Variants in SP3 observed in about 807,000 individuals in gnomAD.
The protein encoded by SP3 is transcription factor Sp3.
In SP3, 10 loss-of-function variants were observed where a neutral mutation model predicts 70.3. That is an observed-to-expected ratio of 0.14 (90% CI 0.09 to 0.24). The LOEUF (loss-of-function observed/expected upper bound fraction) is 0.24, where lower values mean the gene tolerates loss of function less well. SP3 is among the 10% of genes least tolerant of loss of function. The probability of loss-of-function intolerance (pLI) is 1.00; values close to 1 mark genes in which losing one functional copy is unlikely to be tolerated. For synonymous variants in SP3, 402 were observed against 333.5 expected (o/e 1.21, Z -2.24); for missense variants, 825 against 914.6 (o/e 0.90, Z 1.26).
rs1477282465 is a variant in SP3 at position 173,963,798 on chromosome 2, GCCT to G, written c.239_241del (p.Glu80del). ...GGCGGGGGCCCCGGCTGCGGCGGCC[GCCT>G]CCTCCTCGTCGTCGCCCGGCGATGG... On this transcript the variant is annotated inframe_deletion, in exon 3 of 7. Transcript: ENST00000310015. 3 of 1,426,604 alleles carry G rather than the reference GCCT, an allele frequency of 2.1e-6. No homozygotes were observed. The highest frequency in any genetic ancestry group is 3.1e-5 in the East Asian group (1 of 32,272). The allele number at this position is 1,426,604 out of a possible 1,614,324, so 88.4% of individuals were successfully genotyped here. A position where few individuals can be genotyped will look rare whatever the true frequency, so the allele number is the denominator to read the frequency against.
chr2:173,942,460 G>C (rs1690400780), intron 4 of SP3, among the ~76,000 whole-genome samples: 3 of 152,156 alleles, frequency 2.0e-5, no homozygotes, highest in Admixed American at 1.3e-4. Flanking sequence ...CAGCTACTTG[G>C]GAGGCTGAGG....
At chr2:173,920,842 C>A (rs1689734751) in intron 4 of SP3, among the ~76,000 whole-genome samples, 1 of 152,090 alleles carries the variant, frequency 6.6e-6, no homozygotes, top group East Asian at 1.9e-4. Flanking sequence ...CCACCCACCT[C>A]AGCCTCCCAA....
rs1689225325 is a variant in SP3 at position 173,903,449 on chromosome 2, G to C, written c.*6492C>G. ...GCACTTAATCACTATATTATGCTAT[G>C]AAAGGTTTCAACTTTACTAAATGAA... On this transcript the variant is annotated 3_prime_UTR_variant, in exon 7 of 7. Coordinates refer to ENST00000310015, the MANE Select transcript of SP3 (RefSeq NM_003111.5). 6.6e-6 allele frequency among the ~76,000 whole-genome samples: 1 copy of C among 152,138 alleles called. No individual in the cohort carries two copies. The highest frequency in any genetic ancestry group is 2.4e-5 in the African/African-American group (1 of 41,416).
chr2:173,954,731 C>T, intron 4 of SP3, 142 bp downstream of exon 4: 1 of 783,578 alleles, frequency 1.3e-6, no homozygotes, highest in Non-Finnish European at 2.0e-6. Context: ...TTGATGTCTA[C>T]TTTCATACAA....
At chr2:173,958,738 T>C (rs1188901675) in intron 3 of SP3, among the ~76,000 whole-genome samples, 1 of 151,504 alleles carries the variant, frequency 6.6e-6, no homozygotes, top group Non-Finnish European at 1.5e-5. Flanking sequence ...AACTACTAGA[T>C]GATTTATGCC....
chr2:173,933,647 T>C lies in SP3; in HGVS notation c.1640-14862A>G, dbSNP rs1021041652. 2.9e-3 allele frequency among the ~76,000 whole-genome samples: 380 copies of C among 133,302 alleles called. 4 individuals are homozygous for C. Among genetic ancestry groups the C allele is most frequent in the African/African-American group, 8.1e-3 (261 of 32,396 alleles). The allele number at this position is 133,302 out of a possible 152,430, so 87.5% of individuals were successfully genotyped here. A position where few individuals can be genotyped will look rare whatever the true frequency, so the allele number is the denominator to read the frequency against. On this transcript the variant is annotated intron_variant, in intron 4 of 6. Transcript: ENST00000310015. Reference sequence around the variant, plus strand: ...TAACATTTATAAAACTTTATATATATATATATATATATATATATATATATA... The same window carrying C: ...TAACATTTATAAAACTTTATATATACATATATATATATATATATATATATA...
Position 173,903,151 on chromosome 2 carries a change from C to T in SP3, c.*6790G>A, listed in dbSNP as rs566554997. On this transcript the variant is annotated 3_prime_UTR_variant, in exon 7 of 7. Transcript: ENST00000310015. ...TTAATACAACAATAGTTGAAGACAACTATTTTCAAGTGTAGGAAGACTACT... is the reference window on the plus strand; with the variant it reads ...TTAATACAACAATAGTTGAAGACAATTATTTTCAAGTGTAGGAAGACTACT... Among the ~76,000 whole-genome samples the T allele has an allele frequency of 2.6e-5, 4 of 152,328 alleles. No individual in the cohort carries two copies. Among genetic ancestry groups the T allele is most frequent in the Admixed American group, 6.5e-5 (1 of 15,302 alleles).
Position 173,965,266 on chromosome 2 carries a change from G to A in SP3, c.-95C>T. The A allele has an allele frequency of 2.3e-5, 32 of 1,406,214 alleles. 1 individual carries two copies. The South Asian group carries it at 3.9e-4, about 17-fold the overall frequency. The allele number at this position is 1,406,214 out of a possible 1,614,324, so 87.1% of individuals were successfully genotyped here. A position where few individuals can be genotyped will look rare whatever the true frequency, so the allele number is the denominator to read the frequency against. On this transcript the variant is annotated 5_prime_UTR_variant, in exon 1 of 7. Coordinates refer to ENST00000310015, the MANE Select transcript of SP3 (RefSeq NM_003111.5). ...GGCGGGAGAGGATGCGGGAAGCGGCGGCGGACACGGCCGGAGCGGTCCGGG... is the reference window on the plus strand; with the variant it reads ...GGCGGGAGAGGATGCGGGAAGCGGCAGCGGACACGGCCGGAGCGGTCCGGG...
intron 3 of SP3, 70 bp downstream of exon 3, chr2:173,963,691 G>A (rs896141761): frequency 1.4e-5 from 8 of 570,868 alleles, no homozygotes; most frequent in African/African-American, 2.0e-5. Flanking sequence ...GGCCTTTTGG[G>A]CAGGCGCGCC....
intron 3 of SP3, among the ~76,000 whole-genome samples, chr2:173,961,402 T>G (rs1468644186): frequency 2.6e-5 from 4 of 152,244 alleles, no homozygotes; most frequent in African/African-American, 9.6e-5. Context: ...AGTTCATCTG[T>G]ATGTGTATAT....
At chr2:173,925,862 G>C (rs777108577) in intron 4 of SP3, among the ~76,000 whole-genome samples, 2 of 152,022 alleles carry the variant, frequency 1.3e-5, no homozygotes, top group Non-Finnish European at 2.9e-5. Context: ...TGTTCTACCA[G>C]GTTAAAATAG....
rs1689214427 is a variant in SP3 at position 173,902,820 on chromosome 2, A to G, written c.*7121T>C. ...CACTCATGGTATCATTCTGATAAAC[A>G]TCAAATTCAGAGCTGCAATTACTTA... On this transcript the variant is annotated 3_prime_UTR_variant, in exon 7 of 7. Transcript: ENST00000310015. 6.6e-6 allele frequency among the ~76,000 whole-genome samples: 1 copy of G among 152,230 alleles called. No homozygotes were observed. Among genetic ancestry groups the G allele is most frequent in the African/African-American group, 2.4e-5 (1 of 41,460 alleles).
chr2:173,946,257 T>C (rs1169385039), intron 4 of SP3, among the ~76,000 whole-genome samples: 1 of 152,194 alleles, frequency 6.6e-6, no homozygotes, highest in Non-Finnish European at 1.5e-5. Context: ...AGGTTCATTA[T>C]ATATTGTTTT....
At chr2:173,939,618 A>G (rs538604053) in intron 4 of SP3, among the ~76,000 whole-genome samples, 5 of 152,150 alleles carry the variant, frequency 3.3e-5, no homozygotes, top group East Asian at 3.9e-4. Context: ...ACAAAAAATT[A>G]GCCAGGTGTG....
chr2:173,935,799 T>TG (rs1396279981), intron 4 of SP3, among the ~76,000 whole-genome samples: 1 of 151,814 alleles, frequency 6.6e-6, no homozygotes, highest in African/African-American at 2.4e-5. Context: ...AGTGTCATCT[T>TG]GGAGTCCCCA....
rs374826524 is a variant in SP3, at chr2:173,947,450, AAGAG to A, written c.1639+7419_1639+7422del. Among the ~76,000 whole-genome samples the A allele has an allele frequency of 5.8e-3, 877 of 152,310 alleles. 8 individuals carry two copies. The highest frequency in any genetic ancestry group is 0.019 in the African/African-American group (808 of 41,570). On this transcript the variant is annotated intron_variant, in intron 4 of 6. Coordinates refer to ENST00000310015, the MANE Select transcript of SP3 (RefSeq NM_003111.5). ...AAAAAGCACTACCAGTTTAAAAAAAAAGAGAGAGAAACACTGACATGCCTTGAAT... is the reference window on the plus strand; with the variant it reads ...AAAAAGCACTACCAGTTTAAAAAAAAAGAGAAACACTGACATGCCTTGAAT...
chr2:173,931,827 A>G (rs1487075242), intron 4 of SP3, among the ~76,000 whole-genome samples: 1 of 152,170 alleles, frequency 6.6e-6, no homozygotes, highest in East Asian at 1.9e-4. Context: ...CACCTCTATC[A>G]GCATTCACAG....
At chr2:173,920,205 T>C (rs1181721567) in intron 4 of SP3, among the ~76,000 whole-genome samples, 1 of 152,016 alleles carries the variant, frequency 6.6e-6, no homozygotes, top group South Asian at 2.1e-4. Context: ...TCCAACCATA[T>C]GACACGTTGG....
At chr2:173,962,415 G>A (rs1040807002) in intron 3 of SP3, among the ~76,000 whole-genome samples, 1 of 152,124 alleles carries the variant, frequency 6.6e-6, no homozygotes, top group African/African-American at 2.4e-5. Context: ...GGAACTAGAG[G>A]GATACAGTTC....
Sources: allele counts gnomAD v4.1 joint callset (sites outside exome capture counted in the v4.1 genomes callset), GRCh38; gene constraint gnomAD v4.1.1; transcripts MANE v1.5; gene names NCBI Gene and HGNC (gene_info 2026-07-23, HGNC 2026-07-21).